G6PC1: variants seen among roughly 807,000 people sequenced by gnomAD.
The protein encoded by G6PC1 is glucose-6-phosphatase catalytic subunit 1.
In G6PC1, 23 loss-of-function variants were observed where a neutral mutation model predicts 30.4. That is an observed-to-expected ratio of 0.76 (90% confidence interval 0.55 to 1.07). The LOEUF (loss-of-function observed/expected upper bound fraction) is 1.07, where lower values mean the gene tolerates loss of function less well. G6PC1 is among the 50% of genes least tolerant of loss of function. The probability of loss-of-function intolerance (pLI) is 0.00; values close to 1 mark genes in which losing one functional copy is unlikely to be tolerated. For missense variants in G6PC1, 391 were observed against 433.9 expected, an observed-to-expected ratio of 0.90 and a Z score of 0.88; for synonymous variants, 163 against 175.6, an observed-to-expected ratio of 0.93 and a Z score of 0.57.
Position 42,907,641 on chromosome 17 carries a change from C to T in G6PC1, c.446+13C>T, listed in dbSNP as rs773963651. The T allele has an allele frequency of 6.3e-7, 1 of 1,578,470 alleles. No homozygotes were observed. The highest frequency in any genetic ancestry group is 1.1e-5 in the South Asian group (1 of 90,066). On this transcript the variant is annotated intron_variant, in intron 3 of 4. Coordinates refer to ENST00000253801, the MANE Select transcript of G6PC1 (RefSeq NM_000151.4). ...CCTACAGATTTCGGTAAGAACTCAC[C>T]ACTGGGGTGTAGGTGGTGGAGGGCA...
At chr17:42,905,376 A>G (rs952961390) in intron 2 of G6PC1, among the ~76,000 whole-genome samples, 28 of 148,068 alleles carry the variant, frequency 1.9e-4, no homozygotes, top group Middle Eastern at 3.5e-3. Context: ...AGATTGCGCC[A>G]TTGCACTCCA....
chr17:42,901,166 G>A, intron 1 of G6PC1, 60 bp downstream of exon 1: 1 of 1,429,684 alleles, frequency 7.0e-7, no homozygotes, highest in East Asian at 2.3e-5. Context: ...CTCTCGCAAT[G>A]TCTGTCCATC....
intron 3 of G6PC1, among the ~76,000 whole-genome samples, chr17:42,908,361 G>C (rs894386879): frequency 1.3e-5 from 2 of 150,758 alleles, no homozygotes; most frequent in Non-Finnish European, 3.0e-5. Flanking sequence ...AGATAAAATA[G>C]GGAAGTTAAA....
chr17:42,910,604 T>G (rs2056088783), intron 4 of G6PC1, among the ~76,000 whole-genome samples: 1 of 152,112 alleles, frequency 6.6e-6, no homozygotes, highest in Admixed American at 6.5e-5. Context: ...AAAGATAAAA[T>G]GGACTGTTAT....
rs886052956 is a variant in G6PC1 at position 42,910,929 on chromosome 17, G to C, written c.577G>C (p.Glu193Gln). The C allele has an allele frequency of 2.5e-6, 4 of 1,614,212 alleles. No individual in the cohort carries two copies. Among genetic ancestry groups the C allele is most frequent in the Non-Finnish European group, 2.5e-6 (3 of 1,180,038 alleles). The change falls in exon 5 of 5, where the codon GAA becomes CAA. Residue 193 changes from glutamate to glutamine, a missense_variant. Coordinates refer to ENST00000253801, the MANE Select transcript of G6PC1 (RefSeq NM_000151.4). ...CTTCCACTCAGGCATTGCTGTTGCA[G>C]AAACTTTCAGCCACATCCACAGCAT... Reference protein sequence around the residue: ...AGVLSGIAVAETFSHIHSIYN... With the variant: ...AGVLSGIAVAQTFSHIHSIYN...
intron 2 of G6PC1, among the ~76,000 whole-genome samples, chr17:42,905,415 GAAA>G (rs1241281428): frequency 8.2e-5 from 4 of 48,924 alleles, no homozygotes; most frequent in African/African-American, 2.6e-4. Flanking sequence ...GACACCATCT[GAAA>G]AAAAAAAAAA....
At position 42,912,716 on chromosome 17, in the gene G6PC1, C is replaced by T. The variant is rs1008760378; in HGVS notation, c.*1290C>T. The T allele has an allele frequency of 3.3e-5, 5 of 151,984 alleles. No individual in the cohort carries two copies. The highest frequency in any genetic ancestry group is 1.2e-4 in the African/African-American group (5 of 41,372). 9.4% of individuals were successfully genotyped at this position (151,984 alleles called of 1,614,324 possible). A position where few individuals can be genotyped will look rare whatever the true frequency, so the allele number is the denominator to read the frequency against. On this transcript the variant is annotated 3_prime_UTR_variant, in exon 5 of 5. Coordinates refer to ENST00000253801, the MANE Select transcript of G6PC1 (RefSeq NM_000151.4). ...AATTCCTGGGCTCAAGCAGTCCTCC[C>T]ACCCTACCACAGCGTCCCGCGTAGC...
At position 42,901,003 on chromosome 17, in the gene G6PC1, T is replaced by C. The variant is rs775667677; in HGVS notation, c.127T>C (p.Phe43Leu). ...CGTGATCGCAGACCTCAGGAATGCCTTCTACGTCCTCTTCCCCATCTGGTT... is the reference window on the plus strand; with the variant it reads ...CGTGATCGCAGACCTCAGGAATGCCCTCTACGTCCTCTTCCCCATCTGGTT... ...VSVIADLRNA[F>L]YVLFPIWFHL... The change falls in exon 1 of 5, where the codon TTC becomes CTC. Residue 43 changes from phenylalanine to leucine, a missense_variant. Physicochemically the swap from Phe to Leu is conservative, Grantham distance 22. Coordinates refer to ENST00000253801, the MANE Select transcript of G6PC1 (RefSeq NM_000151.4). 6.2e-7 allele frequency: 1 copy of C among 1,614,206 alleles called. No individual in the cohort carries two copies.
intron 1 of G6PC1, among the ~76,000 whole-genome samples, chr17:42,903,634 A>G (rs527498221): frequency 9.2e-5 from 14 of 151,814 alleles, no homozygotes; most frequent in Non-Finnish European, 1.5e-4. Context: ...GGATCCCAGG[A>G]GGTAGAGGTC....
intron 3 of G6PC1, among the ~76,000 whole-genome samples, chr17:42,908,462 A>C (rs2056075199): frequency 6.7e-6 from 1 of 148,534 alleles, no homozygotes; most frequent in Non-Finnish European, 1.5e-5. Context: ...GCTGGAGTGC[A>C]GTGGCGCCAT....
chr17:42,906,515 G>A (rs1019116334), intron 2 of G6PC1, among the ~76,000 whole-genome samples: 1 of 152,142 alleles, frequency 6.6e-6, no homozygotes, highest in Non-Finnish European at 1.5e-5. Flanking sequence ...AAGTCCTGCA[G>A]TTCAGGAGGG....
intron 4 of G6PC1, 32 bp from the exon 5 acceptor site, chr17:42,910,883 T>C (rs1230617409): frequency 1.2e-6 from 2 of 1,611,710 alleles, no homozygotes; most frequent in African/African-American, 2.7e-5. Context: ...AAATCCTTCC[T>C]ATCTCTCACA....
In G6PC1 at chr17:42,913,167, C is replaced by G. The variant is rs2056107202; in HGVS notation, c.*1741C>G. On this transcript the variant is annotated 3_prime_UTR_variant, in exon 5 of 5. Coordinates refer to ENST00000253801, the MANE Select transcript of G6PC1 (RefSeq NM_000151.4). ...ATTTCTGCCCCACCCACCTACCCCC[C>G]AAAAAAAGCTGAAGCCTATTTATTT... The G allele has an allele frequency of 6.6e-6, 1 of 151,910 alleles. No individual in the cohort carries two copies. Among genetic ancestry groups the G allele is most frequent in the Non-Finnish European group, 1.5e-5 (1 of 67,984 alleles). 9.4% of individuals were successfully genotyped at this position (151,910 alleles called of 1,614,324 possible).
At chr17:42,901,328 TA>T (rs2056024874) in intron 1 of G6PC1, among the ~76,000 whole-genome samples, 3 of 152,106 alleles carry the variant, frequency 2.0e-5, no homozygotes, top group Admixed American at 2.0e-4. Context: ...TCATATGGGT[TA>T]AAGGGTAGGA....
Position 42,900,920 on chromosome 17 carries a change from C to T in G6PC1, c.44C>T (p.Ser15Leu). ...MNVLHDFGIQ[S>L]THYLQVNYQD... is the part of the protein sequence containing the mutation. ...GTTCTCCATGACTTTGGGATCCAGT[C>T]AACACATTACCTCCAGGTGAATTAC... The change falls in exon 1 of 5, where the codon TCA becomes TTA. Residue 15 changes from serine to leucine, a missense_variant. Coordinates refer to ENST00000253801, the MANE Select transcript of G6PC1 (RefSeq NM_000151.4). 6.2e-7 allele frequency: 1 copy of T among 1,614,130 alleles called. No individual in the cohort carries two copies. The highest frequency in any genetic ancestry group is 8.5e-7 in the Non-Finnish European group (1 of 1,180,016).
rs761007323 is a variant in G6PC1, at chr17:42,907,534, G to A, written c.352G>A (p.Gly118Ser). The A allele has an allele frequency of 3.7e-6, 6 of 1,611,758 alleles. No individual in the cohort carries two copies. The highest frequency in any genetic ancestry group is 5.1e-6 in the Non-Finnish European group (6 of 1,177,932). The change falls in exon 3 of 5, where the codon GGC becomes AGC. Residue 118 changes from glycine (G) to serine (S), a missense_variant. Transcript: ENST00000253801. The part of the protein sequence containing the change: ...TCETGPGSPS[G>S]HAMGTAGVYY... ...TTCCTGCCCTTTAGGGAGCCCCTCT[G>A]GCCATGCCATGGGCACAGCAGGTGT... is the stretch of plus-strand genomic sequence containing the variant.
Position 42,910,976 on chromosome 17 carries a change from A to C in G6PC1, c.624A>C (p.Lys208Asn), listed in dbSNP as rs751120985. The C allele has an allele frequency of 1.2e-6, 2 of 1,614,016 alleles. No homozygotes were observed. The highest frequency in any genetic ancestry group is 2.2e-5 in the South Asian group (2 of 91,082). Residue 208 changes from lysine to asparagine, a missense_variant, in exon 5 of 5, where the codon AAA (lysine) becomes AAC (asparagine). Transcript: ENST00000253801. Reference protein sequence around the residue: ...IHSIYNASLKKYFLITFFLFS... With the variant: ...IHSIYNASLKNYFLITFFLFS... ...GCATCTATAATGCCAGCCTCAAGAA[A>C]TATTTTCTCATTACCTTCTTCCTGT...
chr17:42,905,989 T>G (rs888546158), intron 2 of G6PC1, among the ~76,000 whole-genome samples: 1 of 149,524 alleles, frequency 6.7e-6, no homozygotes, highest in Non-Finnish European at 1.5e-5. Context: ...GAGGTTGCAG[T>G]GAGCTGAAAT....
At chr17:42,909,267 A>G in intron 3 of G6PC1, 36 bp from the exon 4 acceptor site, 1 of 1,443,912 alleles carries the variant, frequency 6.9e-7, no homozygotes, top group Non-Finnish European at 9.8e-7. Context: ...AAGGATCTGC[A>G]CCTGTGTTCT....
Sources: allele counts gnomAD v4.1 joint callset (sites outside exome capture counted in the v4.1 genomes callset), GRCh38; gene constraint gnomAD v4.1.1; transcripts MANE v1.5; gene names NCBI Gene and HGNC (gene_info 2026-07-23, HGNC 2026-07-21).